Variants in SBF2 observed in about 807,000 individuals in gnomAD.
The protein encoded by SBF2 is SET binding factor 2, also known as myotubularin-related protein 13.
Under a neutral mutation model 225.2 loss-of-function variants are expected in SBF2, and 112 were observed. The ratio of observed to expected loss-of-function variants is 0.50; its 90% CI spans 0.43 to 0.58. The LOEUF (loss-of-function observed/expected upper bound fraction) is 0.58. SBF2 is among the 20% of genes least tolerant of loss of function. The pLI is 0.00. For synonymous variants in SBF2, 763 were observed against 773.3 expected (o/e 0.99, Z 0.22); for missense variants, 1,996 against 2,206.2 (o/e 0.90, Z 1.91).
intron 16 of SBF2, among the ~76,000 whole-genome samples, chr11:9,897,992 C>T (rs922712273): frequency 6.6e-6 from 1 of 152,110 alleles, no homozygotes; most frequent in Non-Finnish European, 1.5e-5. Context: ...ACTAACCTGA[C>T]CAGGAGAGCA....
chr11:10,232,979 C>T (rs1403837638), intron 1 of SBF2, among the ~76,000 whole-genome samples: 2 of 152,068 alleles, frequency 1.3e-5, no homozygotes, highest in African/African-American at 2.4e-5. Flanking sequence ...TACAAATTTG[C>T]CATCTGCATA....
intron 1 of SBF2, among the ~76,000 whole-genome samples, chr11:10,202,560 T>A (rs1007668264): frequency 6.6e-6 from 1 of 151,908 alleles, no homozygotes. Flanking sequence ...CCGAGGCGGG[T>A]GGATCACGAG....
chr11:10,150,353 T>G (rs901395528), intron 2 of SBF2, among the ~76,000 whole-genome samples: 1 of 152,196 alleles, frequency 6.6e-6, no homozygotes, highest in African/African-American at 2.4e-5. Flanking sequence ...ATAAAATTTA[T>G]GACAGAAAAC....
At chr11:10,065,742 A>G (rs1395481657) in intron 2 of SBF2, among the ~76,000 whole-genome samples, 2 of 152,156 alleles carry the variant, frequency 1.3e-5, no homozygotes, top group Admixed American at 6.6e-5. Flanking sequence ...ACTTGAGGTC[A>G]GGAGTTCGAG....
chr11:10,255,762 T>TATAG (rs998360349), intron 1 of SBF2, among the ~76,000 whole-genome samples: 4 of 152,152 alleles, frequency 2.6e-5, no homozygotes, highest in Admixed American at 1.3e-4. Flanking sequence ...TAATTCAAAT[T>TATAG]ATAGAAAGAA....
intron 6 of SBF2, among the ~76,000 whole-genome samples, chr11:10,023,401 C>T (rs2134605678): frequency 6.6e-6 from 1 of 152,222 alleles, no homozygotes; most frequent in Admixed American, 6.5e-5. Context: ...CCATAAATTC[C>T]CCATTTTAAA....
intron 2 of SBF2, among the ~76,000 whole-genome samples, chr11:10,179,185 G>T (rs1214663537): frequency 6.6e-6 from 1 of 150,860 alleles, no homozygotes; most frequent in Non-Finnish European, 1.5e-5. Flanking sequence ...CACACTCTGG[G>T]GACTGTTGTA....
At chr11:10,245,549 G>A (rs1959702288) in intron 1 of SBF2, among the ~76,000 whole-genome samples, 1 of 152,126 alleles carries the variant, frequency 6.6e-6, no homozygotes, top group African/African-American at 2.4e-5. Flanking sequence ...CTGTTGGTGG[G>A]ACTATAAATT....
chr11:10,232,667 A>G (rs1168148147), intron 1 of SBF2, among the ~76,000 whole-genome samples: 1 of 151,154 alleles, frequency 6.6e-6, no homozygotes, highest in Non-Finnish European at 1.5e-5. Context: ...GGGCTCAACC[A>G]ATCCGCCTGT....
At chr11:10,173,628 G>A (rs1225400911) in intron 2 of SBF2, among the ~76,000 whole-genome samples, 1 of 152,204 alleles carries the variant, frequency 6.6e-6, no homozygotes, top group African/African-American at 2.4e-5. Flanking sequence ...AAACAAAGCA[G>A]CAGGGAAGCT....
intron 3 of SBF2, among the ~76,000 whole-genome samples, chr11:10,035,809 G>A (rs972175361): frequency 1.3e-5 from 2 of 152,190 alleles, no homozygotes. Flanking sequence ...CTTTTACACT[G>A]TTGGGAGTGA....
rs932791738 is a variant in SBF2, at chr11:10,294,167, C to G, written c.-98G>C. On this transcript the variant is annotated 5_prime_UTR_variant, in exon 1 of 40. Coordinates refer to ENST00000256190, the MANE Select transcript of SBF2 (RefSeq NM_030962.4). The stretch of plus-strand genomic sequence containing the variant: ...GGGCTCAGCATTTTCCCTGCAGCGG[C>G]AGTAGCGGCAGCGGCAGCGCTTCAG... The G allele has an allele frequency of 1.6e-5, 15 of 918,012 alleles. No individual in the cohort carries two copies. Among genetic ancestry groups the G allele is most frequent in the Non-Finnish European group, 1.7e-5 (12 of 695,772 alleles). 56.9% of individuals were successfully genotyped at this position (918,012 alleles called of 1,614,324 possible).
intron 17 of SBF2, among the ~76,000 whole-genome samples, chr11:9,885,321 T>G (rs536429202): frequency 6.7e-6 from 1 of 150,038 alleles, no homozygotes; most frequent in East Asian, 1.9e-4. Flanking sequence ...TTCCCATTAT[T>G]GAACATGATG....
At chr11:10,269,835 C>T (rs558470883) in intron 1 of SBF2, among the ~76,000 whole-genome samples, 12 of 152,130 alleles carry the variant, frequency 7.9e-5, no homozygotes, top group African/African-American at 2.9e-4. Flanking sequence ...AATCATAGCT[C>T]ACTGGAACCT....
intron 16 of SBF2, among the ~76,000 whole-genome samples, chr11:9,916,642 G>C (rs1316687052): frequency 6.9e-6 from 1 of 145,610 alleles, no homozygotes; most frequent in Non-Finnish European, 1.5e-5. Flanking sequence ...CTGTTGCCCA[G>C]GCTGGAGTGC....
At chr11:9,942,939 G>GAAAGAAAGA (rs1219732069) in intron 16 of SBF2, among the ~76,000 whole-genome samples, 4 of 147,656 alleles carry the variant, frequency 2.7e-5, no homozygotes, top group South Asian at 2.1e-4. Context: ...AAGAAAGAAA[G>GAAAGAAAGA]AAGGAAGGAA....
intron 29 of SBF2, among the ~76,000 whole-genome samples, chr11:9,816,133 T>A (rs1238110894): frequency 6.6e-6 from 1 of 152,248 alleles, no homozygotes; most frequent in African/African-American, 2.4e-5. Context: ...ATGAAATTTA[T>A]TTTGTAATGT....
At chr11:10,154,709 G>A (rs371935323) in intron 2 of SBF2, among the ~76,000 whole-genome samples, 2 of 152,040 alleles carry the variant, frequency 1.3e-5, no homozygotes, top group African/African-American at 4.8e-5. Context: ...TGTTTTTTAT[G>A]TGGCCATAAC....
intron 3 of SBF2, among the ~76,000 whole-genome samples, chr11:10,037,956 A>C (rs898742085): frequency 4.6e-5 from 7 of 151,968 alleles, no homozygotes; most frequent in African/African-American, 1.7e-4. Flanking sequence ...ACTATGTTTA[A>C]ATTTTTTTCT....
Sources: allele counts gnomAD v4.1 joint callset (sites outside exome capture counted in the v4.1 genomes callset), GRCh38; gene constraint gnomAD v4.1.1; transcripts MANE v1.5; gene names NCBI Gene and HGNC (gene_info 2026-07-23, HGNC 2026-07-21).